ZNF521: variants seen among roughly 807,000 people sequenced by gnomAD.
ZNF521 encodes zinc finger protein 521, also known as LYST-interacting protein 3.
In ZNF521, 14 loss-of-function variants were observed where a neutral mutation model predicts 105.5. The observed-to-expected ratio is 0.13, with a 90% CI of 0.09 to 0.21. The LOEUF is 0.21. ZNF521 is among the 10% of genes least tolerant of loss of function. ZNF521 has a pLI of 1.00. For missense variants in ZNF521, 1,233 were observed against 1,629.7 expected (o/e 0.76, Z 4.19); for synonymous variants, 635 against 606.0 (o/e 1.05, Z -0.70).
intron 5 of ZNF521, among the ~76,000 whole-genome samples, chr18:25,103,090 A>T (rs1378225363): frequency 6.6e-6 from 1 of 152,028 alleles, no homozygotes; most frequent in Non-Finnish European, 1.5e-5. Flanking sequence ...AAGGCTGGAA[A>T]ATTTGGTTAT....
At chr18:25,204,516 C>A (rs980084347) in intron 4 of ZNF521, among the ~76,000 whole-genome samples, 2 of 151,970 alleles carry the variant, frequency 1.3e-5, no homozygotes, top group African/African-American at 4.8e-5. Context: ...GAATTTACTA[C>A]CTTGAAGTTT....
chr18:25,130,419 A>C (rs760893384), intron 5 of ZNF521, among the ~76,000 whole-genome samples: 25 of 152,172 alleles, frequency 1.6e-4, no homozygotes, highest in Non-Finnish European at 1.3e-4. Flanking sequence ...ATAATTGTGG[A>C]CACATGATAT....
At chr18:25,250,461 T>C (rs537100961) in intron 3 of ZNF521, among the ~76,000 whole-genome samples, 1 of 152,348 alleles carries the variant, frequency 6.6e-6, no homozygotes, top group East Asian at 1.9e-4. Context: ...AAAACTGTCA[T>C]ATTTTAAACT....
chr18:25,204,006 C>T (rs2036036857), intron 4 of ZNF521, among the ~76,000 whole-genome samples: 1 of 152,072 alleles, frequency 6.6e-6, no homozygotes, highest in Non-Finnish European at 1.5e-5. Flanking sequence ...GGCACCTCCC[C>T]GCCACTCTCT....
At chr18:25,347,070 GAATA>G (rs1914494956) in intron 2 of ZNF521, among the ~76,000 whole-genome samples, 1 of 152,156 alleles carries the variant, frequency 6.6e-6, no homozygotes, top group Admixed American at 6.5e-5. Flanking sequence ...ACAAGAAAGA[GAATA>G]AATAGCCAGC....
At chr18:25,088,892 A>G (rs968456903) in intron 7 of ZNF521, among the ~76,000 whole-genome samples, 2 of 152,230 alleles carry the variant, frequency 1.3e-5, no homozygotes, top group Non-Finnish European at 2.9e-5. Context: ...TTACAGTCCA[A>G]GGTTACTCAC....
chr18:25,294,350 G>A (rs1271168352), intron 3 of ZNF521, among the ~76,000 whole-genome samples: 1 of 152,146 alleles, frequency 6.6e-6, no homozygotes, highest in African/African-American at 2.4e-5. Flanking sequence ...TAAAGCATGG[G>A]AAAATAATTA....
chr18:25,086,073 A>T (rs1360091692), intron 7 of ZNF521, among the ~76,000 whole-genome samples: 1 of 152,112 alleles, frequency 6.6e-6, no homozygotes, highest in Non-Finnish European at 1.5e-5. Flanking sequence ...TGGCATAAAA[A>T]AGTAGATGAG....
chr18:25,112,900 A>G (rs1271501173), intron 5 of ZNF521, among the ~76,000 whole-genome samples: 1 of 151,878 alleles, frequency 6.6e-6, no homozygotes, highest in African/African-American at 2.4e-5. Context: ...TGCTATATCC[A>G]TATGTGCTGC....
chr18:25,275,894 G>A (rs747582705), intron 3 of ZNF521, among the ~76,000 whole-genome samples: 6 of 152,184 alleles, frequency 3.9e-5, no homozygotes, highest in Non-Finnish European at 7.3e-5. Flanking sequence ...AGGGGAGTGA[G>A]AGAAAGGTGA....
At chr18:25,216,718 CTGAT>C (rs971009681) in intron 4 of ZNF521, among the ~76,000 whole-genome samples, 3 of 152,120 alleles carry the variant, frequency 2.0e-5, no homozygotes, top group African/African-American at 7.2e-5. Flanking sequence ...ACCACCACAC[CTGAT>C]TAATTTTTCA....
At chr18:25,098,261 A>T (rs1036180316) in intron 5 of ZNF521, among the ~76,000 whole-genome samples, 1 of 152,150 alleles carries the variant, frequency 6.6e-6, no homozygotes, top group Non-Finnish European at 1.5e-5. Flanking sequence ...ATTTTGGCAC[A>T]AGTAGGGAAT....
At chr18:25,332,602 T>C (rs1328589348) in intron 2 of ZNF521, among the ~76,000 whole-genome samples, 1 of 152,174 alleles carries the variant, frequency 6.6e-6, no homozygotes, top group Non-Finnish European at 1.5e-5. Context: ...ACACTTTCCT[T>C]AAGGAATCTG....
intron 7 of ZNF521, among the ~76,000 whole-genome samples, chr18:25,067,217 T>C (rs1456721197): frequency 6.6e-6 from 1 of 152,150 alleles, no homozygotes; most frequent in East Asian, 1.9e-4. Flanking sequence ...ATCCACAACA[T>C]ACCTTAAAGC....
chr18:25,097,440 A>C (rs532137541), intron 5 of ZNF521, among the ~76,000 whole-genome samples: 1 of 152,026 alleles, frequency 6.6e-6, no homozygotes, highest in African/African-American at 2.4e-5. Context: ...TTCTCATACC[A>C]GTTAAAAAGT....
Position 25,168,973 on chromosome 18 carries a change from G to C in ZNF521, c.3658+26187C>G, listed in dbSNP as rs185914638. 2.4e-3 allele frequency among the ~76,000 whole-genome samples: 340 copies of C among 142,760 alleles called. 2 individuals are homozygous for C. The highest frequency in any genetic ancestry group is 8.2e-3 in the African/African-American group (312 of 37,886). 93.7% of individuals were successfully genotyped at this position (142,760 alleles called of 152,430 possible). On this transcript the variant is annotated intron_variant, in intron 5 of 7. Transcript: ENST00000361524. ...GTCTGGGGTGTGTGTGTGTGTGTGT[G>C]TGTATTTCATATTGTGTGAGGGACA... is the stretch of plus-strand genomic sequence containing the variant.
chr18:25,142,138 C>T (rs928531154), intron 5 of ZNF521, among the ~76,000 whole-genome samples: 9 of 152,088 alleles, frequency 5.9e-5, no homozygotes, highest in African/African-American at 2.2e-4. Flanking sequence ...CAAAGGGATC[C>T]TGTTTTTTGG....
At chr18:25,223,507 G>T (rs567879690) in intron 4 of ZNF521, among the ~76,000 whole-genome samples, 2 of 152,178 alleles carry the variant, frequency 1.3e-5, no homozygotes, top group South Asian at 4.1e-4. Context: ...CCAGATAGGG[G>T]CAGGTAGGGA....
intron 7 of ZNF521, among the ~76,000 whole-genome samples, chr18:25,087,244 C>T (rs1260309903): frequency 3.3e-5 from 5 of 152,028 alleles, no homozygotes; most frequent in African/African-American, 7.2e-5. Context: ...CTATACTAAT[C>T]GTAGAAAAGA....
Sources: gnomAD v4.1 joint callset for allele counts (sites outside exome capture counted in the v4.1 genomes callset) on GRCh38, gnomAD v4.1.1 for gene constraint, MANE v1.5 for transcripts, NCBI Gene and HGNC (gene_info 2026-07-23, HGNC 2026-07-21) for gene names.